Variants in WASF2 observed in about 807,000 individuals in gnomAD.
WASF2 encodes the protein actin-binding protein WASF2.
Under a neutral mutation model 45.0 loss-of-function variants are expected in WASF2, and 14 were observed. That is an observed-to-expected ratio of 0.31 (90% CI 0.21 to 0.49). The LOEUF (loss-of-function observed/expected upper bound fraction) is 0.49. Among genes scored for constraint, WASF2 ranks in the 20% least tolerant of loss-of-function variants. The probability of loss-of-function intolerance (pLI) is 0.99; values close to 1 mark genes in which losing one functional copy is unlikely to be tolerated. For missense variants in WASF2, 439 were observed against 636.1 expected (o/e 0.69, Z 3.33); for synonymous variants, 200 against 236.3 (o/e 0.85, Z 1.41).
intron 1 of WASF2, among the ~76,000 whole-genome samples, chr1:27,461,460 ATTTT>A (rs1310567255): frequency 7.8e-6 from 1 of 127,694 alleles, no homozygotes; most frequent in Non-Finnish European, 1.6e-5. Context: ...CCACTTCAGC[ATTTT>A]TTTTTTTTTT....
intron 7 of WASF2, among the ~76,000 whole-genome samples, chr1:27,411,599 C>T (rs1211933165): frequency 3.3e-5 from 5 of 152,214 alleles, no homozygotes; most frequent in Non-Finnish European, 2.9e-5. Context: ...CATGGTGGCT[C>T]ATGCCTGTAA....
intron 1 of WASF2, among the ~76,000 whole-genome samples, chr1:27,433,460 A>C (rs1474513199): frequency 1.3e-5 from 2 of 152,266 alleles, no homozygotes; most frequent in African/African-American, 4.8e-5. Flanking sequence ...CTCTATCATC[A>C]GTAGCACCTT....
At chr1:27,432,908 C>A (rs981494014) in intron 1 of WASF2, among the ~76,000 whole-genome samples, 2 of 152,012 alleles carry the variant, frequency 1.3e-5, no homozygotes, top group African/African-American at 4.8e-5. Flanking sequence ...GGACTACAGG[C>A]ACATGCCACC....
chr1:27,470,600 A>G (rs2017675408), intron 1 of WASF2, among the ~76,000 whole-genome samples: 1 of 151,586 alleles, frequency 6.6e-6, no homozygotes, highest in Non-Finnish European at 1.5e-5. Context: ...TAAATGACTG[A>G]CTGACTGAAT....
intron 2 of WASF2, among the ~76,000 whole-genome samples, chr1:27,427,812 C>T (rs1039927175): frequency 6.6e-6 from 1 of 152,152 alleles, no homozygotes; most frequent in African/African-American, 2.4e-5. Context: ...AAATAATTCA[C>T]ACCAAGATGC....
At chr1:27,439,872 C>A (rs2017185227) in intron 1 of WASF2, among the ~76,000 whole-genome samples, 1 of 152,032 alleles carries the variant, frequency 6.6e-6, no homozygotes, top group African/African-American at 2.4e-5. Flanking sequence ...TAGTGGTACA[C>A]ACCTGTAGTC....
intron 2 of WASF2, among the ~76,000 whole-genome samples, chr1:27,425,654 C>A (rs753421940): frequency 1.3e-5 from 2 of 151,958 alleles, no homozygotes; most frequent in Non-Finnish European, 2.9e-5. Context: ...CTGGCTAACA[C>A]GGTGAAATCC....
intron 2 of WASF2, among the ~76,000 whole-genome samples, chr1:27,422,231 G>A (rs1262855760): frequency 6.6e-6 from 1 of 152,220 alleles, no homozygotes; most frequent in East Asian, 1.9e-4. Flanking sequence ...AAGAGGAAGT[G>A]AGGTGGTGTG....
At position 27,428,853 on chromosome 1, in the gene WASF2, A is replaced by G; in HGVS notation, c.38T>C (p.Leu13Pro). 1 of 1,614,222 alleles carries G rather than the reference A, an allele frequency of 6.2e-7. No homozygotes were observed. The highest frequency in any genetic ancestry group is 8.5e-7 in the Non-Finnish European group (1 of 1,180,040). ...LVTRNIEPRH[L>P]CRQTLPSVRS... The stretch of plus-strand genomic sequence containing the variant: ...AACGCTAGGCAACGTCTGACGGCAC[A>G]GGTGCCTTGGCTCGATGTTCCTCGT... Residue 13 changes from leucine to proline, a missense_variant, in exon 2 of 9, where the codon CTG becomes CCG. Coordinates refer to ENST00000618852, the MANE Select transcript of WASF2 (RefSeq NM_006990.5).
At chr1:27,428,522 T>C (rs548262145) in intron 2 of WASF2, among the ~76,000 whole-genome samples, 1 of 152,186 alleles carries the variant, frequency 6.6e-6, no homozygotes, top group East Asian at 1.9e-4. Context: ...AGATTTCTGT[T>C]GAAGCAGGTG....
In WASF2 at chr1:27,440,979, G is replaced by A. The variant is rs149546310; in HGVS notation, c.-43-12046C>T. Among the ~76,000 whole-genome samples, 463 of 151,714 alleles carry A rather than the reference G, an allele frequency of 3.1e-3. 4 individuals are homozygous for A. The highest frequency in any genetic ancestry group is 0.01 in the African/African-American group (418 of 41,380). On this transcript the variant is annotated intron_variant, in intron 1 of 8. Transcript: ENST00000618852. ...CTTCCTGGGTTCCAGCTATCCTCCC[G>A]CCTTAGCCTCCCAAGTAGCTGGGAC...
chr1:27,419,139 G>C (rs2016867402), intron 2 of WASF2, 51 bp from the exon 3 acceptor site: 1 of 1,599,770 alleles, frequency 6.3e-7, no homozygotes. Flanking sequence ...TAACGTAAAT[G>C]GTCACAAAAA....
chr1:27,452,460 C>T (rs983047121), intron 1 of WASF2, among the ~76,000 whole-genome samples: 1 of 152,096 alleles, frequency 6.6e-6, no homozygotes, highest in Admixed American at 6.5e-5. Flanking sequence ...TTGCAGTGAG[C>T]TGAGATCGTG....
chr1:27,440,262 G>A (rs1449085743), intron 1 of WASF2, among the ~76,000 whole-genome samples: 1 of 152,188 alleles, frequency 6.6e-6, no homozygotes, highest in Non-Finnish European at 1.5e-5. Context: ...GGTGGCTCAT[G>A]CCTATAATCC....
chr1:27,478,996 C>A (rs1425502789), intron 1 of WASF2, among the ~76,000 whole-genome samples: 1 of 151,898 alleles, frequency 6.6e-6, no homozygotes, highest in Non-Finnish European at 1.5e-5. Context: ...CTTTAAAAAT[C>A]TTGGTTAGGG....
intron 1 of WASF2, among the ~76,000 whole-genome samples, chr1:27,442,529 C>T (rs1411073128): frequency 6.6e-6 from 1 of 151,366 alleles, no homozygotes; most frequent in African/African-American, 2.4e-5. Flanking sequence ...GGAGACAGAG[C>T]GAGACTCCAT....
chr1:27,454,147 GTGTGTGTATATATA>G (rs1424484812), intron 1 of WASF2, among the ~76,000 whole-genome samples: 1 of 19,606 alleles, frequency 5.1e-5, no homozygotes, highest in African/African-American at 1.7e-4. Flanking sequence ...GTGTGTGTGT[GTGTGTGTATATATA>G]TATATATATA....
chr1:27,428,939 A>G lies in WASF2; in HGVS notation c.-43-6T>C, dbSNP rs1332163987. 1 of 1,610,354 alleles carries G rather than the reference A, an allele frequency of 6.2e-7. No individual in the cohort carries two copies. Among genetic ancestry groups the G allele is most frequent in the South Asian group, 1.1e-5 (1 of 90,780 alleles). On this transcript the variant is annotated splice_polypyrimidine_tract_variant and splice_region_variant and intron_variant, in intron 1 of 8. Transcript: ENST00000618852. ...TCTGAATGGTGAAAAACAACCTAAA[A>G]AAGAAATAACAGGAAAGTATTACTC...
chr1:27,454,125 G>GTATATA (rs201332321), intron 1 of WASF2, among the ~76,000 whole-genome samples: 1 of 89,292 alleles, frequency 1.1e-5, no homozygotes. Context: ...ATATATGTGT[G>GTATATA]TATATATATA....
Sources: allele counts gnomAD v4.1 joint callset (sites outside exome capture counted in the v4.1 genomes callset), GRCh38; gene constraint gnomAD v4.1.1; transcripts MANE v1.5; gene names NCBI Gene and HGNC (gene_info 2026-07-23, HGNC 2026-07-21).